Variants in ADCY8 observed in about 807,000 individuals in gnomAD.
ADCY8 encodes adenylate cyclase type 8.
In ADCY8, 51 loss-of-function variants were observed where a neutral mutation model predicts 119.7. The ratio of observed to expected loss-of-function variants is 0.43; its 90% CI spans 0.34 to 0.54. ADCY8 has a LOEUF of 0.54. Ranked by LOEUF, ADCY8 falls within the 20% of genes least tolerant of loss-of-function variation. The pLI, the probability that ADCY8 is intolerant of heterozygous loss-of-function variation, is 0.03. For missense variants in ADCY8, 1,383 were observed against 1,598.8 expected (o/e 0.87, Z 2.30); for synonymous variants, 665 against 651.0 (o/e 1.02, Z -0.33).
At chr8:130,793,472 C>T (rs1436648198) in intron 15 of ADCY8, among the ~76,000 whole-genome samples, 2 of 152,198 alleles carry the variant, frequency 1.3e-5, no homozygotes, top group African/African-American at 4.8e-5. Flanking sequence ...TATTGTACAA[C>T]ATATTTACTT....
chr8:130,851,574 G>A (rs1817530487), intron 9 of ADCY8, among the ~76,000 whole-genome samples: 1 of 152,176 alleles, frequency 6.6e-6, no homozygotes, highest in Admixed American at 6.5e-5. Flanking sequence ...CAACTGTGGT[G>A]GGAGGTGGAG....
At chr8:130,832,848 C>T (rs1156927173) in intron 12 of ADCY8, among the ~76,000 whole-genome samples, 1 of 152,196 alleles carries the variant, frequency 6.6e-6, no homozygotes, top group East Asian at 1.9e-4. Context: ...AGGCAAATAA[C>T]AGCCTCACAG....
At chr8:130,820,471 CA>C (rs1395502992) in intron 13 of ADCY8, among the ~76,000 whole-genome samples, 6 of 152,160 alleles carry the variant, frequency 3.9e-5, no homozygotes, top group Admixed American at 1.3e-4. Context: ...TGATTTCTAC[CA>C]GGGGGTGAGA....
chr8:130,862,570 G>T (rs533427457), intron 9 of ADCY8, among the ~76,000 whole-genome samples: 43 of 152,164 alleles, frequency 2.8e-4, no homozygotes, highest in African/African-American at 1.0e-3. Flanking sequence ...CGGCCACCAC[G>T]CCTGGCTAAT....
intron 5 of ADCY8, among the ~76,000 whole-genome samples, chr8:130,915,094 A>G (rs1820087700): frequency 6.6e-6 from 1 of 152,222 alleles, no homozygotes; most frequent in African/African-American, 2.4e-5. Context: ...CTTCATGGTG[A>G]GATTCCATTC....
At chr8:130,930,243 T>A (rs927859041) in intron 5 of ADCY8, among the ~76,000 whole-genome samples, 1 of 152,024 alleles carries the variant, frequency 6.6e-6, no homozygotes, top group Admixed American at 6.6e-5. Flanking sequence ...ATATTTGGAT[T>A]CCTTCTTCTA....
At chr8:130,901,498 T>C (rs1819602127) in intron 7 of ADCY8, among the ~76,000 whole-genome samples, 1 of 152,200 alleles carries the variant, frequency 6.6e-6, no homozygotes, top group Non-Finnish European at 1.5e-5. Context: ...ATCTGTGTTA[T>C]GCAAACACTC....
At chr8:130,932,415 G>C (rs72714471) in intron 5 of ADCY8, among the ~76,000 whole-genome samples, 396 of 152,306 alleles carry the variant, frequency 2.6e-3, no homozygotes, top group Non-Finnish European at 4.8e-3. Flanking sequence ...ATGAGGGTCT[G>C]CCTAGTGCTG....
intron 12 of ADCY8, 51 bp downstream of exon 12, chr8:130,836,226 C>T: frequency 6.5e-7 from 1 of 1,541,478 alleles, no homozygotes; most frequent in Non-Finnish European, 8.8e-7. Flanking sequence ...AACAATTCCA[C>T]TTCCCACAGG....
chr8:130,971,805 A>G (rs1821931100), intron 2 of ADCY8, among the ~76,000 whole-genome samples: 1 of 152,220 alleles, frequency 6.6e-6, no homozygotes, highest in South Asian at 2.1e-4. Context: ...AGCAATGATG[A>G]TATGACAAAG....
intron 5 of ADCY8, among the ~76,000 whole-genome samples, chr8:130,918,800 G>A (rs552169152): frequency 6.6e-6 from 1 of 152,322 alleles, no homozygotes; most frequent in Non-Finnish European, 1.5e-5. Flanking sequence ...GGTGGCTCAT[G>A]CCGTAATCTC....
At chr8:130,781,958 T>A (rs1056010644) in intron 17 of ADCY8, among the ~76,000 whole-genome samples, 1 of 152,148 alleles carries the variant, frequency 6.6e-6, no homozygotes. Flanking sequence ...CTGGTCCCCA[T>A]GGAATTTACC....
intron 1 of ADCY8, among the ~76,000 whole-genome samples, chr8:131,022,885 G>C (rs1264548970): frequency 6.6e-6 from 1 of 152,136 alleles, no homozygotes; most frequent in Non-Finnish European, 1.5e-5. Flanking sequence ...ATGGTGGAAT[G>C]ATGGAAGGAA....
intron 2 of ADCY8, among the ~76,000 whole-genome samples, chr8:130,988,839 A>G (rs903837231): frequency 1.3e-5 from 2 of 152,184 alleles, no homozygotes; most frequent in African/African-American, 4.8e-5. Context: ...GTAAGGCAAT[A>G]TTTTTTAGTG....
rs187172210 is a variant in ADCY8 at position 131,010,259 on chromosome 8, A to C, written c.961-19717T>G. The stretch of plus-strand genomic sequence containing the variant: ...ATGTCACCACCAAATAATTCTTATT[A>C]GTATCAATGTTAATAAATTGAGTGT... On this transcript the variant is annotated intron_variant, in intron 1 of 17. Transcript: ENST00000286355. 8.5e-4 allele frequency among the ~76,000 whole-genome samples: 129 copies of C among 152,366 alleles called. 1 individual carries two copies. Among genetic ancestry groups the C allele is most frequent in the African/African-American group, 2.9e-3 (119 of 41,584 alleles).
intron 13 of ADCY8, among the ~76,000 whole-genome samples, chr8:130,817,380 C>A (rs1816380638): frequency 6.6e-6 from 1 of 152,156 alleles, no homozygotes; most frequent in Non-Finnish European, 1.5e-5. Flanking sequence ...GTAATAACTC[C>A]CAGTGTCCAG....
At chr8:130,967,262 G>T (rs1298201424) in intron 2 of ADCY8, among the ~76,000 whole-genome samples, 1 of 152,148 alleles carries the variant, frequency 6.6e-6, no homozygotes, top group Non-Finnish European at 1.5e-5. Context: ...CAAGGAGGGT[G>T]GAAGTCTGGA....
In ADCY8 at chr8:130,814,940, G is replaced by C. The variant is rs373694863; in HGVS notation, c.2755-713C>G. 6.6e-5 allele frequency among the ~76,000 whole-genome samples: 10 copies of C among 152,310 alleles called. No individual in the cohort carries two copies. The South Asian group carries it at 2.1e-3, about 32-fold the overall frequency. On this transcript the variant is annotated intron_variant, in intron 13 of 17. Transcript: ENST00000286355. ...ACATCCTTACTGTTACAGACTGAAT[G>C]TCTGTGTCCCTCTCAAATTCATATA...
intron 9 of ADCY8, among the ~76,000 whole-genome samples, chr8:130,856,756 T>C (rs1009928531): frequency 3.9e-5 from 6 of 152,104 alleles, no homozygotes; most frequent in Non-Finnish European, 8.8e-5. Flanking sequence ...GATACATATA[T>C]ATTCCTTATG....
Sources: allele counts gnomAD v4.1 joint callset (sites outside exome capture counted in the v4.1 genomes callset), GRCh38; gene constraint gnomAD v4.1.1; transcripts MANE v1.5; gene names NCBI Gene and HGNC (gene_info 2026-07-23, HGNC 2026-07-21).